The following KCNK12 variants were observed in gnomAD, a reference collection of about 807,000 sequenced individuals.
The protein encoded by KCNK12 is potassium channel subfamily K member 12.
A neutral mutation model predicts 25.3 loss-of-function variants in KCNK12; 6 were observed. That is an observed-to-expected ratio of 0.24 (90% confidence interval 0.13 to 0.47). The LOEUF (loss-of-function observed/expected upper bound fraction) is 0.47, where lower values mean the gene tolerates loss of function less well. Ranked by LOEUF, KCNK12 falls within the 20% of genes least tolerant of loss-of-function variation. KCNK12 has a pLI of 0.99. For missense variants in KCNK12, 444 were observed against 661.7 expected (o/e 0.67, Z 3.61); for synonymous variants, 331 against 311.1 (o/e 1.06, Z -0.67).
At chr2:47,545,535 T>A (rs1329534405) in intron 1 of KCNK12, among the ~76,000 whole-genome samples, 1 of 152,222 alleles carries the variant, frequency 6.6e-6, no homozygotes, top group Non-Finnish European at 1.5e-5. Context: ...CAATTCCTCA[T>A]CATTTTCGCA....
rs1339963374 is a variant in KCNK12 at position 47,512,673 on chromosome 2, G to C, written c.*8234C>G. 1 of 486,216 alleles carries C rather than the reference G, an allele frequency of 2.1e-6. No individual in the cohort carries two copies. Among genetic ancestry groups the C allele is most frequent in the Non-Finnish European group, 3.6e-6 (1 of 274,160 alleles). 30.1% of individuals were successfully genotyped at this position (486,216 alleles called of 1,614,324 possible). On this transcript the variant is annotated 3_prime_UTR_variant, in exon 2 of 2. Transcript: ENST00000327876. Reference sequence around the variant, plus strand: ...GTGCCCTTGTACACCCACTGCCTCTGAACTCTGCTCTGCATTGCTGAGCAA... The same window carrying C: ...GTGCCCTTGTACACCCACTGCCTCTCAACTCTGCTCTGCATTGCTGAGCAA...
At chr2:47,567,765 G>A (rs1401830209) in intron 1 of KCNK12, among the ~76,000 whole-genome samples, 1 of 152,202 alleles carries the variant, frequency 6.6e-6, no homozygotes, top group Admixed American at 6.5e-5. Flanking sequence ...ATGCTTCAGT[G>A]TAGCCCTCCT....
chr2:47,539,112 A>G lies in KCNK12; in HGVS notation c.392-17304T>C, dbSNP rs570356187. On this transcript the variant is annotated intron_variant, in intron 1 of 1. Transcript: ENST00000327876. Reference sequence around the variant, plus strand: ...TGTCTTATTTAATGTGGTCATCACCATAACCCAGTAAAGACAATATCATCA... The same window carrying G: ...TGTCTTATTTAATGTGGTCATCACCGTAACCCAGTAAAGACAATATCATCA... Among the ~76,000 whole-genome samples, 8 of 152,332 alleles carry G rather than the reference A, an allele frequency of 5.3e-5. No individual in the cohort carries two copies. The East Asian group carries it at 1.5e-3, about 29-fold the overall frequency.
rs1044918688 is a variant in KCNK12, at chr2:47,520,371, C to G, written c.*536G>C. 1 of 152,302 alleles carries G rather than the reference C, an allele frequency of 6.6e-6. No individual in the cohort carries two copies. Among genetic ancestry groups the G allele is most frequent in the African/African-American group, 2.4e-5 (1 of 41,472 alleles). 9.4% of individuals were successfully genotyped at this position (152,302 alleles called of 1,614,324 possible). On this transcript the variant is annotated 3_prime_UTR_variant, in exon 2 of 2. Transcript: ENST00000327876. This position sits in a 1 kb window ranked among gnomAD's most constrained non-coding sequence, Gnocchi z 5.0. ...TCATTGCATAATACTACACCATTCTCTGTGTGTAGTGGCTGTTCTATATAT... is the reference window on the plus strand; with the variant it reads ...TCATTGCATAATACTACACCATTCTGTGTGTGTAGTGGCTGTTCTATATAT...
intron 1 of KCNK12, among the ~76,000 whole-genome samples, chr2:47,522,811 A>T (rs1016611657): frequency 2.0e-4 from 31 of 152,352 alleles, no homozygotes; most frequent in Non-Finnish European, 3.8e-4. Context: ...ATCAATTCCC[A>T]GATGACTCCA....
chr2:47,558,377 T>C (rs983272867), intron 1 of KCNK12, among the ~76,000 whole-genome samples: 1 of 152,238 alleles, frequency 6.6e-6, no homozygotes, highest in African/African-American at 2.4e-5. Flanking sequence ...ACCTCTTCCC[T>C]GCCTGCCACT....
Position 47,533,227 on chromosome 2 carries a change from T to TAAACTGC in KCNK12, c.392-11420_392-11419insGCAGTTT, listed in dbSNP as rs58227429. 6.6e-6 allele frequency among the ~76,000 whole-genome samples: 1 copy of TAAACTGC among 151,778 alleles called. No homozygotes were observed. The highest frequency in any genetic ancestry group is 1.5e-5 in the Non-Finnish European group (1 of 67,942). On this transcript the variant is annotated intron_variant, in intron 1 of 1. Transcript: ENST00000327876. This position sits in a 1 kb window ranked among gnomAD's most constrained non-coding sequence, Gnocchi z 4.7. ...GGTTTTACCATGTTGGCCAGGCTGG[T>TAAACTGC]CTCCAACTCCTGACCTCAGGTGATC...
intron 1 of KCNK12, among the ~76,000 whole-genome samples, chr2:47,558,383 C>T (rs1368530979): frequency 2.6e-5 from 4 of 152,254 alleles, no homozygotes; most frequent in Admixed American, 6.5e-5. Context: ...TCCCTGCCTG[C>T]CACTGAGGCT....
chr2:47,542,306 A>C (rs1214980330), intron 1 of KCNK12, among the ~76,000 whole-genome samples: 1 of 152,040 alleles, frequency 6.6e-6, no homozygotes, highest in African/African-American at 2.4e-5. Flanking sequence ...TGCTCCTCAC[A>C]AGCACCCTGG....
At chr2:47,539,508 AAGGAAG>A (rs1669147752) in intron 1 of KCNK12, among the ~76,000 whole-genome samples, 2 of 152,284 alleles carry the variant, frequency 1.3e-5, no homozygotes, top group Middle Eastern at 3.4e-3. Context: ...AAAGGGGACT[AAGGAAG>A]GGAGGCCAAA....
At chr2:47,568,052 T>G (rs1001149051) in intron 1 of KCNK12, among the ~76,000 whole-genome samples, 1 of 152,140 alleles carries the variant, frequency 6.6e-6, no homozygotes, top group Non-Finnish European at 1.5e-5. Context: ...TGGGGCCTTA[T>G]TTGGATGGAC....
At position 47,519,361 on chromosome 2, in the gene KCNK12, A is replaced by G. The variant is rs1342596318; in HGVS notation, c.*1546T>C. 1 of 152,216 alleles carries G rather than the reference A, an allele frequency of 6.6e-6. No homozygotes were observed. The highest frequency in any genetic ancestry group is 2.4e-5 in the African/African-American group (1 of 41,422). The allele number at this position is 152,216 out of a possible 1,614,324, so 9.4% of individuals were successfully genotyped here. ...TTGCCAGGGAGAGAGATTTCACAGCATGGCTCCAGCTGGAGGCGGTGAGGC... is the reference window on the plus strand; with the variant it reads ...TTGCCAGGGAGAGAGATTTCACAGCGTGGCTCCAGCTGGAGGCGGTGAGGC... On this transcript the variant is annotated 3_prime_UTR_variant, in exon 2 of 2. Coordinates refer to ENST00000327876, the MANE Select transcript of KCNK12 (RefSeq NM_022055.2).
Position 47,559,725 on chromosome 2 carries a change from G to A in KCNK12, c.391+10216C>T, listed in dbSNP as rs555684403. Among the ~76,000 whole-genome samples the A allele has an allele frequency of 2.6e-5, 4 of 152,278 alleles. No individual in the cohort carries two copies. The South Asian group carries it at 6.2e-4, about 24-fold the overall frequency. ...TTAGACACATCTTAACCCACTGAAC[G>A]GTGGCTTACTTCGCAGATGGGGAAG... is the stretch of plus-strand genomic sequence containing the variant. On this transcript the variant is annotated intron_variant, in intron 1 of 1. Coordinates refer to ENST00000327876, the MANE Select transcript of KCNK12 (RefSeq NM_022055.2).
chr2:47,567,030 T>C (rs1669799011), intron 1 of KCNK12: 1 of 152,202 alleles, frequency 6.6e-6, no homozygotes, highest in South Asian at 2.1e-4. Flanking sequence ...GCTTTAACCT[T>C]TCAAAATACA....
chr2:47,558,506 C>A (rs894011021), intron 1 of KCNK12, among the ~76,000 whole-genome samples: 2 of 152,234 alleles, frequency 1.3e-5, no homozygotes, highest in African/African-American at 4.8e-5. Context: ...GCACCCCGCC[C>A]CTAGGAAATG....
rs191434725 is a variant in KCNK12 at position 47,512,614 on chromosome 2, C to T, written c.*8293G>A. On this transcript the variant is annotated 3_prime_UTR_variant, in exon 2 of 2. Transcript: ENST00000327876. ...ACAGTGAGAAAGCGCCTTCTGGGAA[C>T]TTCACAATGGCTAAAGTGTGCTAAT... The T allele has an allele frequency of 4.6e-6, 3 of 647,042 alleles. No individual in the cohort carries two copies. The East Asian group carries it at 8.5e-5, about 18-fold the overall frequency. The allele number at this position is 647,042 out of a possible 1,614,324, so 40.1% of individuals were successfully genotyped here. A position where few individuals can be genotyped will look rare whatever the true frequency, so the allele number is the denominator to read the frequency against.
rs1668560518 is a variant in KCNK12 at position 47,517,803 on chromosome 2, A to G, written c.*3104T>C. The G allele has an allele frequency of 6.6e-6, 1 of 152,224 alleles. No homozygotes were observed. The highest frequency in any genetic ancestry group is 6.5e-5 in the Admixed American group (1 of 15,290). 9.4% of individuals were successfully genotyped at this position (152,224 alleles called of 1,614,324 possible). ...CTTTACCTTTCTCCTCAGCTCTGAG[A>G]AGGCTGCTAGCCAAGACTCTGGATT... On this transcript the variant is annotated 3_prime_UTR_variant, in exon 2 of 2. Transcript: ENST00000327876. This position sits in a 1 kb window ranked among gnomAD's most constrained non-coding sequence, Gnocchi z 4.1.
chr2:47,537,887 G>A (rs1669110472), intron 1 of KCNK12, among the ~76,000 whole-genome samples: 1 of 152,214 alleles, frequency 6.6e-6, no homozygotes, highest in Non-Finnish European at 1.5e-5. Flanking sequence ...CCCCAGAGCA[G>A]GTGCCATTGG....
At chr2:47,539,235 C>A (rs1021158366) in intron 1 of KCNK12, among the ~76,000 whole-genome samples, 2 of 152,238 alleles carry the variant, frequency 1.3e-5, no homozygotes, top group Non-Finnish European at 2.9e-5. Context: ...ATTTATATCT[C>A]CCATTTCTCA....
Sources: gnomAD v4.1 joint callset for allele counts (sites outside exome capture counted in the v4.1 genomes callset) on GRCh38, gnomAD v4.1.1 for gene constraint, Gnocchi (gnomAD v3.1) non-coding constraint, MANE v1.5 for transcripts, NCBI Gene and HGNC (gene_info 2026-07-23, HGNC 2026-07-21) for gene names.